Variants in PTPN3 observed in about 807,000 individuals in gnomAD.
PTPN3 encodes the protein tyrosine-protein phosphatase non-receptor type 3.
PTPN3 carries 96 observed loss-of-function variants against 132.7 expected under a neutral mutation model. That is an observed-to-expected ratio of 0.72 (90% CI 0.61 to 0.86). PTPN3 has a LOEUF of 0.86. Ranked by LOEUF, PTPN3 falls within the 40% of genes least tolerant of loss-of-function variation. PTPN3 has a pLI of 0.00. For missense variants in PTPN3, 1,125 were observed against 1,159.6 expected (o/e 0.97, Z 0.43); for synonymous variants, 398 against 429.0 (o/e 0.93, Z 0.89).
chr9:109,471,317 C>T (rs2132073088), intron 1 of PTPN3, among the ~76,000 whole-genome samples: 1 of 152,328 alleles, frequency 6.6e-6, no homozygotes, highest in East Asian at 1.9e-4. Context: ...CTTGGCCTCC[C>T]AAAGTGCTGG....
At chr9:109,514,585 A>G in the PTPN3 span, among the ~76,000 whole-genome samples, 1 of 152,230 alleles carries the variant, frequency 6.6e-6, no homozygotes, top group Non-Finnish European at 1.5e-5. Context: ...AAATAGCGTC[A>G]TTGATATCTG....
the PTPN3 span, among the ~76,000 whole-genome samples, chr9:109,528,566 G>T: frequency 6.6e-6 from 1 of 152,146 alleles, no homozygotes; most frequent in Non-Finnish European, 1.5e-5. Context: ...GTTTATCTTT[G>T]GCAGTTTTTA....
chr9:109,512,053 A>G, the PTPN3 span, among the ~76,000 whole-genome samples: 1 of 152,210 alleles, frequency 6.6e-6, no homozygotes, highest in African/African-American at 2.4e-5. Context: ...CTAATTTGGT[A>G]GGGCGAGGTC....
At position 109,389,231 on chromosome 9, in the gene PTPN3, A is replaced by G; in HGVS notation, c.2253+2T>C. ...ATCTGAATTAGAAATCAAGCTACTT[A>G]CCCGCCCTCGTTCTGTGAGAGTCGT... is the stretch of plus-strand genomic sequence containing the variant. On this transcript the variant is annotated splice_donor_variant, in intron 22 of 25. Coordinates refer to ENST00000374541, the MANE Select transcript of PTPN3 (RefSeq NM_002829.4). LOFTEE classifies it high-confidence loss of function. 1 of 1,614,034 alleles carries G rather than the reference A, an allele frequency of 6.2e-7. No homozygotes were observed.
chr9:109,456,866 C>T (rs541658325), intron 4 of PTPN3, among the ~76,000 whole-genome samples: 294 of 152,324 alleles, frequency 1.9e-3, no homozygotes, highest in Middle Eastern at 6.8e-3. Context: ...GCTCTCACAT[C>T]GGGCTAAGTA....
At chr9:109,517,845 G>C in the PTPN3 span, among the ~76,000 whole-genome samples, 1 of 152,172 alleles carries the variant, frequency 6.6e-6, no homozygotes, top group African/African-American at 2.4e-5. Context: ...CTGCCATTGG[G>C]TTCCATCAGT....
Position 109,391,523 on chromosome 9 carries a change from A to C in PTPN3, c.1992T>G (p.Phe664Leu). 3.1e-6 allele frequency: 5 copies of C among 1,614,124 alleles called. No homozygotes were observed. The highest frequency in any genetic ancestry group is 4.2e-6 in the Non-Finnish European group (5 of 1,179,972). The change falls in exon 20 of 26, where the codon TTT becomes TTG. Residue 664 changes from phenylalanine (F) to leucine (L), a missense_variant. Coordinates refer to ENST00000374541, the MANE Select transcript of PTPN3 (RefSeq NM_002829.4). ...YRKKPGLAIT[F>L]AKLPQNLDKN... ...TGTCCAAATTTTGAGGCAGCTTTGC[A>C]AACGTGATGGCCAAACCTGGCTTTT...
At chr9:109,533,449 T>G in the PTPN3 span, 4 of 1,495,740 alleles carry the variant, frequency 2.7e-6, no homozygotes, top group Non-Finnish European at 2.8e-6. Flanking sequence ...CCTGGCCGGT[T>G]TAGGGTTTTC....
At chr9:109,413,510 C>T (rs1422809700) in intron 14 of PTPN3, among the ~76,000 whole-genome samples, 3 of 152,208 alleles carry the variant, frequency 2.0e-5, no homozygotes, top group African/African-American at 7.2e-5. Context: ...CCTCCTCTGT[C>T]GCTGGGCAGA....
intron 2 of PTPN3, among the ~76,000 whole-genome samples, chr9:109,461,867 T>C (rs1044779600): frequency 3.3e-5 from 5 of 152,218 alleles, no homozygotes; most frequent in African/African-American, 9.7e-5. Context: ...ATTTCCAGAA[T>C]TGCAGAATAT....
Position 109,413,809 on chromosome 9 carries a change from A to C in PTPN3, c.1314-3394T>G, listed in dbSNP as rs539075358. ...GCAGACAAACAAGTATTCACCCTCCAGAAAACACATGCTTCTGAACTGTAA... is the reference window on the plus strand; with the variant it reads ...GCAGACAAACAAGTATTCACCCTCCCGAAAACACATGCTTCTGAACTGTAA... On this transcript the variant is annotated intron_variant, in intron 14 of 25. Coordinates refer to ENST00000374541, the MANE Select transcript of PTPN3 (RefSeq NM_002829.4). Among the ~76,000 whole-genome samples, 8 of 152,330 alleles carry C rather than the reference A, an allele frequency of 5.3e-5. No homozygotes were observed. The South Asian group carries it at 1.7e-3, about 32-fold the overall frequency.
At chr9:109,438,078 C>T in intron 8 of PTPN3, 36 bp downstream of exon 8, 1 of 1,590,542 alleles carries the variant, frequency 6.3e-7, no homozygotes, top group Non-Finnish European at 8.5e-7. Context: ...ATACCCAACC[C>T]AAGTCCCCAA....
chr9:109,475,881 G>GT (rs1846639010), intron 1 of PTPN3, among the ~76,000 whole-genome samples: 1 of 152,200 alleles, frequency 6.6e-6, no homozygotes, highest in Non-Finnish European at 1.5e-5. Flanking sequence ...GCCAGTGGTA[G>GT]TCCGGCCAGA....
chr9:109,513,614 T>C, the PTPN3 span, among the ~76,000 whole-genome samples: 1 of 152,294 alleles, frequency 6.6e-6, no homozygotes, highest in South Asian at 2.1e-4. Flanking sequence ...ACTTGTTAAC[T>C]GAGTGTATGA....
intron 1 of PTPN3, among the ~76,000 whole-genome samples, chr9:109,489,887 A>ATCT (rs1447929794): frequency 6.6e-6 from 1 of 152,128 alleles, no homozygotes; most frequent in African/African-American, 2.4e-5. Context: ...CTGCAACTAA[A>ATCT]TAACAACATC....
Position 109,404,430 on chromosome 9 carries a change from G to A in PTPN3, c.1953+18C>T, listed in dbSNP as rs368190442. On this transcript the variant is annotated intron_variant, in intron 19 of 25. Coordinates refer to ENST00000374541, the MANE Select transcript of PTPN3 (RefSeq NM_002829.4). Reference sequence around the variant, plus strand: ...ATAGGCGACATGGCAGTGGGATTCAGCCTCCAGAGGGTCTTACCTCAAACT... The same window carrying A: ...ATAGGCGACATGGCAGTGGGATTCAACCTCCAGAGGGTCTTACCTCAAACT... The A allele has an allele frequency of 3.6e-6, 5 of 1,385,502 alleles. No homozygotes were observed. The African/African-American group carries it at 7.2e-5, about 20-fold the overall frequency. 85.8% of individuals were successfully genotyped at this position (1,385,502 alleles called of 1,614,324 possible).
At chr9:109,456,223 C>A (rs975770849) in intron 4 of PTPN3, among the ~76,000 whole-genome samples, 3 of 152,204 alleles carry the variant, frequency 2.0e-5, no homozygotes, top group Non-Finnish European at 2.9e-5. Flanking sequence ...TTCTCCACTC[C>A]GCCATGCACT....
At position 109,442,328 on chromosome 9, in the gene PTPN3, G is replaced by A. The variant is rs1370564296; in HGVS notation, c.466+2912C>T. Among the ~76,000 whole-genome samples, 6 of 152,294 alleles carry A rather than the reference G, an allele frequency of 3.9e-5. No homozygotes were observed. In the East Asian group the frequency reaches 5.8e-4, roughly 15 times the overall value. ...CTCCCAAAGCGCTGAGAATACAGGC[G>A]TGAACCACCGTGCCTGGCACAAGTA... On this transcript the variant is annotated intron_variant, in intron 7 of 25. Transcript: ENST00000374541.
intron 22 of PTPN3, among the ~76,000 whole-genome samples, chr9:109,388,673 C>G (rs879800979): frequency 1.3e-5 from 2 of 152,162 alleles, no homozygotes; most frequent in Non-Finnish European, 2.9e-5. Context: ...GGGCTGCTAT[C>G]CAGGGCAACC....
Sources: allele counts gnomAD v4.1 joint callset (sites outside exome capture counted in the v4.1 genomes callset), GRCh38; gene constraint gnomAD v4.1.1; transcripts MANE v1.5; gene names NCBI Gene and HGNC (gene_info 2026-07-23, HGNC 2026-07-21).